Variants in RGS9 observed in about 807,000 individuals in gnomAD.
RGS9 encodes the protein regulator of G-protein signalling 9.
Under a neutral mutation model 102.0 loss-of-function variants are expected in RGS9, and 78 were observed. The observed-to-expected ratio is 0.76, with a 90% CI of 0.64 to 0.92. RGS9 has a LOEUF of 0.92. Among genes scored for constraint, RGS9 ranks in the 40% least tolerant of loss-of-function variants. The pLI is 0.00. For missense variants in RGS9, 833 were observed against 866.1 expected (o/e 0.96, Z 0.48); for synonymous variants, 353 against 318.6 (o/e 1.11, Z -1.15).
intron 9 of RGS9, among the ~76,000 whole-genome samples, chr17:65,183,008 C>G (rs908257420): frequency 6.6e-6 from 1 of 151,904 alleles, no homozygotes; most frequent in Non-Finnish European, 1.5e-5. Context: ...TTCACATGAT[C>G]GCAATCTTAA....
chr17:65,191,703 C>T (rs547169285), intron 11 of RGS9, among the ~76,000 whole-genome samples: 4 of 152,090 alleles, frequency 2.6e-5, no homozygotes, highest in Non-Finnish European at 5.9e-5. Context: ...GCTGAGATAG[C>T]GCCACTGCAC....
chr17:65,215,494 T>C (rs891610923), intron 17 of RGS9, among the ~76,000 whole-genome samples: 4 of 106,978 alleles, frequency 3.7e-5, no homozygotes, highest in Admixed American at 9.2e-5. Context: ...CTTTCGTTCT[T>C]TCGTTCTTTC....
At position 65,227,417 on chromosome 17, in the gene RGS9, C is replaced by G. The variant is rs770182766; in HGVS notation, c.*10C>G. Reference sequence around the variant, plus strand: ...CTGGGAGAGCCTGTAAGGAAAGAGGCAGGCTGAGCTGGGGGCTCTGGACCA... The same window carrying G: ...CTGGGAGAGCCTGTAAGGAAAGAGGGAGGCTGAGCTGGGGGCTCTGGACCA... On this transcript the variant is annotated 3_prime_UTR_variant, in exon 19 of 19. Coordinates refer to ENST00000262406, the MANE Select transcript of RGS9 (RefSeq NM_003835.4). The G allele has an allele frequency of 1.9e-6, 3 of 1,611,016 alleles. No homozygotes were observed. Among genetic ancestry groups the G allele is most frequent in the South Asian group, 2.2e-5 (2 of 90,728 alleles).
intron 2 of RGS9, among the ~76,000 whole-genome samples, chr17:65,155,782 G>C (rs796760897): frequency 2.6e-5 from 4 of 152,296 alleles, no homozygotes; most frequent in African/African-American, 9.6e-5. Context: ...AGAGAGTTCT[G>C]TGCAGGTGCT....
At chr17:65,152,854 A>G (rs1910631277) in intron 1 of RGS9, among the ~76,000 whole-genome samples, 1 of 152,236 alleles carries the variant, frequency 6.6e-6, no homozygotes, top group Non-Finnish European at 1.5e-5. Context: ...CCTGGGCTGT[A>G]TGCAATAGCT....
chr17:65,160,915 G>A lies in RGS9; in HGVS notation c.423+6G>A, dbSNP rs754004642. On this transcript the variant is annotated splice_donor_region_variant and intron_variant, in intron 6 of 18. Transcript: ENST00000262406. ...TTTTGGAAGAATATGAAAAGGTATG[G>A]AGGTGCTTTTAAGTAGAGGTTGTTA... 5.6e-6 allele frequency: 9 copies of A among 1,610,706 alleles called. No homozygotes were observed. The highest frequency in any genetic ancestry group is 7.6e-6 in the Non-Finnish European group (9 of 1,176,800).
At chr17:65,225,668 C>A (rs1013082361) in intron 18 of RGS9, 182 bp downstream of exon 18, 12 of 766,588 alleles carry the variant, frequency 1.6e-5, no homozygotes, top group Non-Finnish European at 2.4e-5. Flanking sequence ...CCTCTGCTGT[C>A]CTCCCGAGGG....
intron 9 of RGS9, among the ~76,000 whole-genome samples, chr17:65,184,831 T>C (rs1163559396): frequency 6.8e-6 from 1 of 148,010 alleles, no homozygotes; most frequent in Non-Finnish European, 1.5e-5. Flanking sequence ...CTCTCCTTCC[T>C]TCCTTCCTTC....
intron 17 of RGS9, among the ~76,000 whole-genome samples, chr17:65,221,641 G>T (rs369339807): frequency 2.0e-5 from 3 of 152,160 alleles, no homozygotes; most frequent in African/African-American, 4.8e-5. Flanking sequence ...TTGTTCAAGG[G>T]GCTGTAAGGG....
chr17:65,208,103 G>T, intron 16 of RGS9, 96 bp downstream of exon 16: 1 of 844,068 alleles, frequency 1.2e-6, no homozygotes, highest in Non-Finnish European at 2.0e-6. Flanking sequence ...GGAGATATTT[G>T]CTTGATGAAA....
At chr17:65,151,241 A>C (rs1910566431) in intron 1 of RGS9, among the ~76,000 whole-genome samples, 1 of 151,828 alleles carries the variant, frequency 6.6e-6, no homozygotes, top group African/African-American at 2.4e-5. Flanking sequence ...GCTACTCGGG[A>C]GGCCGAGGTA....
intron 2 of RGS9, among the ~76,000 whole-genome samples, chr17:65,154,481 T>C (rs1359326155): frequency 6.6e-6 from 1 of 152,210 alleles, no homozygotes; most frequent in African/African-American, 2.4e-5. Flanking sequence ...TTTTTTGTTT[T>C]GTTGTTTTGT....
At chr17:65,153,344 C>G in intron 1 of RGS9, 78 bp from the exon 2 acceptor site, 1 of 1,229,806 alleles carries the variant, frequency 8.1e-7, no homozygotes, top group Non-Finnish European at 1.2e-6. Flanking sequence ...TGAGGTCCCT[C>G]TCAGTGCAGT....
intron 17 of RGS9, among the ~76,000 whole-genome samples, chr17:65,222,592 A>G (rs1913738696): frequency 6.6e-6 from 1 of 152,230 alleles, no homozygotes; most frequent in South Asian, 2.1e-4. Context: ...CCTAGCATGT[A>G]GTAGATACTT....
intron 1 of RGS9, among the ~76,000 whole-genome samples, chr17:65,141,260 G>T (rs115435455): frequency 0.013 from 2,048 of 152,286 alleles, 52 homozygotes; most frequent in African/African-American, 0.047. Flanking sequence ...ACACAGGTGG[G>T]TGGCCTCCTG....
At chr17:65,200,676 C>T (rs1348767036) in intron 13 of RGS9, among the ~76,000 whole-genome samples, 1 of 152,126 alleles carries the variant, frequency 6.6e-6, no homozygotes, top group Non-Finnish European at 1.5e-5. Flanking sequence ...TAATATGAAG[C>T]ACCCAGGAGC....
intron 1 of RGS9, among the ~76,000 whole-genome samples, chr17:65,137,887 T>C (rs1448244986): frequency 6.6e-6 from 1 of 152,196 alleles, no homozygotes; most frequent in Non-Finnish European, 1.5e-5. Context: ...CTGTGGCAGA[T>C]TTGAGACAGC....
chr17:65,158,469 T>G, intron 3 of RGS9, 124 bp downstream of exon 3: 1 of 919,846 alleles, frequency 1.1e-6, no homozygotes. Flanking sequence ...AGACATGACC[T>G]TCGTGTGTAA....
Position 65,160,630 on chromosome 17 carries a change from A to G in RGS9, c.364+43A>G, listed in dbSNP as rs750842323. ...AACTATGCCTTTGGTAGTGCTTAAC[A>G]TGCTGCTTATTTACTTGCTGCACTT... On this transcript the variant is annotated intron_variant, in intron 5 of 18. Coordinates refer to ENST00000262406, the MANE Select transcript of RGS9 (RefSeq NM_003835.4). 4.9e-5 allele frequency: 78 copies of G among 1,597,526 alleles called. 3 individuals are homozygous for G. In the South Asian group the frequency reaches 8.3e-4, roughly 17 times the overall value.
Sources: allele counts gnomAD v4.1 joint callset (sites outside exome capture counted in the v4.1 genomes callset), GRCh38; gene constraint gnomAD v4.1.1; transcripts MANE v1.5; gene names NCBI Gene and HGNC (gene_info 2026-07-23, HGNC 2026-07-21).